Variants in FAM169A observed in about 807,000 individuals in gnomAD.
FAM169A encodes family with sequence similarity 169 member A.
FAM169A carries 24 observed loss-of-function variants against 75.7 expected under a neutral mutation model. That is an observed-to-expected ratio of 0.32 (90% confidence interval 0.23 to 0.45). FAM169A has a LOEUF of 0.45. FAM169A is among the 20% of genes least tolerant of loss of function. FAM169A has a pLI of 1.00. For synonymous variants in FAM169A, 271 were observed against 271.0 expected, an observed-to-expected ratio of 1.00 and a Z score of 0.00; for missense variants, 673 against 784.0, an observed-to-expected ratio of 0.86 and a Z score of 1.69.
intron 5 of FAM169A, among the ~76,000 whole-genome samples, chr5:74,832,238 GA>G (rs1403823135): frequency 6.6e-6 from 1 of 151,490 alleles, no homozygotes; most frequent in African/African-American, 2.4e-5. Flanking sequence ...AATAACAGTA[GA>G]AAAAAACAAC....
rs937750204 is a variant in FAM169A, at chr5:74,778,921, T to G, written c.*2539A>C. The G allele has an allele frequency of 2.0e-5, 3 of 152,106 alleles. No individual in the cohort carries two copies. Among genetic ancestry groups the G allele is most frequent in the African/African-American group, 7.2e-5 (3 of 41,462 alleles). The allele number at this position is 152,106 out of a possible 1,614,324, so 9.4% of individuals were successfully genotyped here. On this transcript the variant is annotated 3_prime_UTR_variant, in exon 13 of 13. Transcript: ENST00000687041. ...TCTAATGCCTTGCAAAAACTACAGA[T>G]AACTGATTAAGTTCATGTAGGTTCC...
At position 74,857,571 on chromosome 5, in the gene FAM169A, GGAAA is replaced by G. The variant is rs1461635699; in HGVS notation, c.-4+8590_-4+8593del. 3.1e-3 allele frequency among the ~76,000 whole-genome samples: 205 copies of G among 65,720 alleles called. 2 individuals are homozygous for G. Among genetic ancestry groups the G allele is most frequent in the African/African-American group, 0.012 (196 of 15,888 alleles). The allele number at this position is 65,720 out of a possible 152,430, so 43.1% of individuals were successfully genotyped here. ...GGTGACAGAGCCAGACCTTGCCGCG[GGAAA>G]AAAAAAAAAAAAAAAAAAAAAAAAA... On this transcript the variant is annotated intron_variant, in intron 1 of 12. Coordinates refer to ENST00000687041, the MANE Select transcript of FAM169A (RefSeq NM_001376049.1).
chr5:74,783,202 C>T (rs1056822700), intron 11 of FAM169A, 68 bp from the exon 12 acceptor site: 47 of 1,161,314 alleles, frequency 4.0e-5, no homozygotes, highest in Middle Eastern at 2.4e-4. Flanking sequence ...TCATGCATGA[C>T]GGGTCCCTTC....
In FAM169A at chr5:74,790,506, CCTCT is replaced by C. The variant is rs528158562; in HGVS notation, c.1260+5520_1260+5523del. Among the ~76,000 whole-genome samples, 148 of 152,286 alleles carry C rather than the reference CCTCT, an allele frequency of 9.7e-4. 1 individual carries two copies. Among genetic ancestry groups the C allele is most frequent in the African/African-American group, 3.0e-3 (123 of 41,572 alleles). On this transcript the variant is annotated intron_variant, in intron 11 of 12. Coordinates refer to ENST00000687041, the MANE Select transcript of FAM169A (RefSeq NM_001376049.1). Reference sequence around the variant, plus strand: ...TTTGGGGAAGAGGTATGTGGATGGACCTCTCTGAGTGGTGAAAAAATGAAGTTAT... The same window carrying C: ...TTTGGGGAAGAGGTATGTGGATGGACCTGAGTGGTGAAAAAATGAAGTTAT...
At chr5:74,783,440 T>A (rs1477726262) in intron 11 of FAM169A, among the ~76,000 whole-genome samples, 2 of 152,220 alleles carry the variant, frequency 1.3e-5, no homozygotes, top group Non-Finnish European at 2.9e-5. Flanking sequence ...CCTACCCACT[T>A]GTTGTTCCTC....
chr5:74,780,929 TA>T lies in FAM169A; in HGVS notation c.*530del, dbSNP rs1745381226. 6.6e-6 allele frequency: 1 copy of T among 152,510 alleles called. No individual in the cohort carries two copies. The allele number at this position is 152,510 out of a possible 1,614,324, so 9.4% of individuals were successfully genotyped here. On this transcript the variant is annotated 3_prime_UTR_variant, in exon 13 of 13. Transcript: ENST00000687041. ...AAATATCTTCATGAACCTTTGACCG[TA>T]AGTTTCTGTTTTTGTGCTCTCATTT...
Position 74,804,474 on chromosome 5 carries a change from A to T in FAM169A, c.912+19T>A. 7.3e-7 allele frequency: 1 copy of T among 1,364,350 alleles called. No homozygotes were observed. The highest frequency in any genetic ancestry group is 1.5e-5 in the African/African-American group (1 of 68,892). The allele number at this position is 1,364,350 out of a possible 1,614,324, so 84.5% of individuals were successfully genotyped here. A position where few individuals can be genotyped will look rare whatever the true frequency, so the allele number is the denominator to read the frequency against. On this transcript the variant is annotated intron_variant, in intron 8 of 12. Coordinates refer to ENST00000687041, the MANE Select transcript of FAM169A (RefSeq NM_001376049.1). Reference sequence around the variant, plus strand: ...AAAAATTTTATATACAACAATAAACATATAGACAGTGTACCTACAGTTAGC... The same window carrying T: ...AAAAATTTTATATACAACAATAAACTTATAGACAGTGTACCTACAGTTAGC...
intron 11 of FAM169A, among the ~76,000 whole-genome samples, chr5:74,787,455 T>TA (rs1415559755): frequency 6.6e-6 from 1 of 152,202 alleles, no homozygotes; most frequent in African/African-American, 2.4e-5. Context: ...ACTTTAGACC[T>TA]ACTCATCCCA....
chr5:74,842,535 C>CTT (rs559380991), intron 1 of FAM169A, among the ~76,000 whole-genome samples: 1 of 84,632 alleles, frequency 1.2e-5, no homozygotes, highest in Non-Finnish European at 2.4e-5. Context: ...TAGCTTTTTT[C>CTT]TTTTTTTTTT....
chr5:74,866,052 G>T (rs1750322370), intron 1 of FAM169A, 113 bp downstream of exon 1: 1 of 437,634 alleles, frequency 2.3e-6, no homozygotes, highest in Non-Finnish European at 3.0e-6. Flanking sequence ...ACAGCCGGTG[G>T]CCCGCGTCGC....
At chr5:74,822,155 T>A (rs1295441487) in intron 5 of FAM169A, among the ~76,000 whole-genome samples, 2 of 152,200 alleles carry the variant, frequency 1.3e-5, no homozygotes, top group African/African-American at 4.8e-5. Flanking sequence ...TACACAAGGA[T>A]GTAAATACTG....
intron 1 of FAM169A, among the ~76,000 whole-genome samples, chr5:74,848,081 T>C (rs1749252121): frequency 6.6e-6 from 1 of 152,176 alleles, no homozygotes; most frequent in Non-Finnish European, 1.5e-5. Context: ...CACACACCTA[T>C]ACCTCTCTTC....
At chr5:74,786,039 C>T (rs1184927566) in intron 11 of FAM169A, among the ~76,000 whole-genome samples, 2 of 152,152 alleles carry the variant, frequency 1.3e-5, no homozygotes, top group Non-Finnish European at 2.9e-5. Flanking sequence ...CAGCTGCCAG[C>T]ATGGCCAGAA....
intron 10 of FAM169A, chr5:74,799,038 C>T (rs1746424493): frequency 9.2e-7 from 1 of 1,091,658 alleles, no homozygotes; most frequent in Non-Finnish European, 1.4e-6. Context: ...ACTGTCGTGC[C>T]TGAAACAGGG....
chr5:74,779,069 CAGAG>C lies in FAM169A; in HGVS notation c.*2387_*2390del, dbSNP rs1745274530. ...TAAACCCCAAAATAACAATTTCTGT[CAGAG>C]AGAATCTGTAACAGAAGTGTTCTTG... On this transcript the variant is annotated 3_prime_UTR_variant, in exon 13 of 13. Transcript: ENST00000687041. 2.0e-5 allele frequency: 3 copies of C among 152,234 alleles called. No individual in the cohort carries two copies. Among genetic ancestry groups the C allele is most frequent in the South Asian group, 4.1e-4 (2 of 4,824 alleles). 9.4% of individuals were successfully genotyped at this position (152,234 alleles called of 1,614,324 possible).
intron 4 of FAM169A, among the ~76,000 whole-genome samples, chr5:74,835,723 T>A (rs1748541422): frequency 6.6e-6 from 1 of 151,538 alleles, no homozygotes; most frequent in South Asian, 2.1e-4. Flanking sequence ...ATACATATAC[T>A]ACTCTCAAAA....
intron 1 of FAM169A, among the ~76,000 whole-genome samples, chr5:74,845,993 T>C (rs977363668): frequency 1.3e-5 from 2 of 152,210 alleles, no homozygotes; most frequent in African/African-American, 4.8e-5. Context: ...TAGATGAAAT[T>C]ATAAACACGA....
chr5:74,789,973 G>A (rs747397387), intron 11 of FAM169A, among the ~76,000 whole-genome samples: 1 of 152,134 alleles, frequency 6.6e-6, no homozygotes, highest in Non-Finnish European at 1.5e-5. Flanking sequence ...TCATGAACTG[G>A]GTGCTTTCTG....
chr5:74,787,795 A>C (rs1745770356), intron 11 of FAM169A, among the ~76,000 whole-genome samples: 1 of 152,162 alleles, frequency 6.6e-6, no homozygotes, highest in Non-Finnish European at 1.5e-5. Context: ...CCAGAAGTGG[A>C]ATTGATAGGA....
Sources: allele counts gnomAD v4.1 joint callset (sites outside exome capture counted in the v4.1 genomes callset), GRCh38; gene constraint gnomAD v4.1.1; transcripts MANE v1.5; gene names NCBI Gene and HGNC (gene_info 2026-07-23, HGNC 2026-07-21).